CARS1: variants seen among roughly 807,000 people sequenced by gnomAD.
CARS1 encodes the protein cysteinyl-tRNA synthetase 1.
A neutral mutation model predicts 106.2 loss-of-function variants in CARS1; 48 were observed. That is an observed-to-expected ratio of 0.45 (90% CI 0.36 to 0.57). The LOEUF (loss-of-function observed/expected upper bound fraction) is 0.57, where lower values mean the gene tolerates loss of function less well. CARS1 is among the 20% of genes least tolerant of loss of function. The pLI is 0.00. For missense variants in CARS1, 968 were observed against 1,057.2 expected (o/e 0.92, Z 1.17); for synonymous variants, 409 against 403.4 (o/e 1.01, Z -0.17).
In CARS1 at chr11:3,052,149, C is replaced by T. The variant is rs3816350; in HGVS notation, c.26-4148G>A. The stretch of plus-strand genomic sequence containing the variant: ...AACGGCGGCTGCAGTGGCTTTTGAG[C>T]GCTGAGGAAGCAGTCTGGGAACTGA... On this transcript the variant is annotated intron_variant, in intron 1 of 22. Transcript: ENST00000380525. The surrounding 1 kb of genome is among the most constrained non-coding windows in gnomAD (Gnocchi z 4.6). 0.93 allele frequency among the ~76,000 whole-genome samples: 140,976 copies of T among 152,334 alleles called. 65,281 individuals carry two copies. Among genetic ancestry groups the T allele is most frequent in the African/African-American group, 0.95 (39,490 of 41,588 alleles).
At chr11:3,010,308 G>A (rs899540108) in intron 18 of CARS1, among the ~76,000 whole-genome samples, 3 of 152,158 alleles carry the variant, frequency 2.0e-5, no homozygotes, top group Non-Finnish European at 2.9e-5. Flanking sequence ...GCTGGGGCCC[G>A]GGCTCGGCCT....
At position 3,000,985 on chromosome 11, in the gene CARS1, A is replaced by T; in HGVS notation, c.*129T>A. On this transcript the variant is annotated 3_prime_UTR_variant, in exon 23 of 23. Coordinates refer to ENST00000380525, the MANE Select transcript of CARS1 (RefSeq NM_001014437.3). The surrounding 1 kb of genome is among the most constrained non-coding windows in gnomAD (Gnocchi z 7.1). ...TCAGAGCCAACGACGACACGAACCTACATGAACACAACTCTTAATTTAGGA... is the reference window on the plus strand; with the variant it reads ...TCAGAGCCAACGACGACACGAACCTTCATGAACACAACTCTTAATTTAGGA... The T allele has an allele frequency of 1.9e-6, 2 of 1,040,222 alleles. No homozygotes were observed. Among genetic ancestry groups the T allele is most frequent in the Non-Finnish European group, 1.4e-6 (1 of 702,256 alleles). The allele number at this position is 1,040,222 out of a possible 1,614,324, so 64.4% of individuals were successfully genotyped here.
intron 10 of CARS1, among the ~76,000 whole-genome samples, chr11:3,023,738 G>A (rs1317017431): frequency 6.6e-6 from 1 of 152,006 alleles, no homozygotes; most frequent in Non-Finnish European, 1.5e-5. Context: ...AACTTGCTAA[G>A]GGTTCTTCTA....
At chr11:3,031,230 T>C (rs1273799644) in intron 7 of CARS1, 1 of 152,192 alleles carries the variant, frequency 6.6e-6, no homozygotes, top group Non-Finnish European at 1.5e-5. Flanking sequence ...GAGAATACTT[T>C]TATAATGCGC....
chr11:3,017,617 T>G lies in CARS1; in HGVS notation c.1727+240A>C. ...GAGATCACGCCACTGCACTCCAGCC[T>G]GGGCAACAAGGGCGAAACTCCGTCT... On this transcript the variant is annotated intron_variant, in intron 15 of 22. Coordinates refer to ENST00000380525, the MANE Select transcript of CARS1 (RefSeq NM_001014437.3). The surrounding 1 kb of genome is among the most constrained non-coding windows in gnomAD (Gnocchi z 4.9). The G allele has an allele frequency of 1.8e-6, 1 of 563,404 alleles. No individual in the cohort carries two copies. Among genetic ancestry groups the G allele is most frequent in the African/African-American group, 1.9e-5 (1 of 53,288 alleles). 34.9% of individuals were successfully genotyped at this position (563,404 alleles called of 1,614,324 possible). A position where few individuals can be genotyped will look rare whatever the true frequency, so the allele number is the denominator to read the frequency against.
rs978923297 is a variant in CARS1, at chr11:3,041,396, C to T, written c.367-412G>A. 4.1e-5 allele frequency: 7 copies of T among 170,190 alleles called. No individual in the cohort carries two copies. Among genetic ancestry groups the T allele is most frequent in the Admixed American group, 3.7e-4 (6 of 16,406 alleles). The allele number at this position is 170,190 out of a possible 1,614,324, so 10.5% of individuals were successfully genotyped here. ...CGTAGGTTATGTCATTTTCTTTTTA[C>T]GGATGAAGAAACTGAGGCAGACAAC... On this transcript the variant is annotated intron_variant, in intron 3 of 22. Transcript: ENST00000380525. This position sits in a 1 kb window ranked among gnomAD's most constrained non-coding sequence, Gnocchi z 4.9.
In CARS1 at chr11:3,018,265, C is replaced by A. The variant is rs971432012; in HGVS notation, c.1629+143G>T. 11 of 642,278 alleles carry A rather than the reference C, an allele frequency of 1.7e-5. No homozygotes were observed. In the African/African-American group the frequency reaches 2.0e-4, roughly 12 times the overall value. The allele number at this position is 642,278 out of a possible 1,614,324, so 39.8% of individuals were successfully genotyped here. A position where few individuals can be genotyped will look rare whatever the true frequency, so the allele number is the denominator to read the frequency against. On this transcript the variant is annotated intron_variant, in intron 14 of 22. Transcript: ENST00000380525. ...GGAGTGGCCCCGAGCCTGTTATACC[C>A]ACTAGCATGGAGGTGCTTCCACCCA...
chr11:3,042,876 CCT>C (rs1854664522), intron 2 of CARS1, among the ~76,000 whole-genome samples: 1 of 152,216 alleles, frequency 6.6e-6, no homozygotes, highest in African/African-American at 2.4e-5. Context: ...GAAAGGACCC[CCT>C]GTGGCCACGG....
In CARS1 at chr11:3,018,714, G is replaced by C; in HGVS notation, c.1431C>G (p.Phe477Leu). 11 of 1,614,164 alleles carry C rather than the reference G, an allele frequency of 6.8e-6. No homozygotes were observed. The highest frequency in any genetic ancestry group is 9.3e-6 in the Non-Finnish European group (11 of 1,180,002). ...CAATGGTCAGGTGGCCTGTGTGCAG[G>C]AAGTACCTGACCCAGCAGTCGTTTT... ...YFENDCWVRY[F>L]LHTGHLTIAG... Residue 477 changes from phenylalanine to leucine, a missense_variant, in exon 13 of 23, where the codon TTC (phenylalanine) becomes TTG (leucine). Phe to Leu is a conservative substitution (Grantham distance 22). Coordinates refer to ENST00000380525, the MANE Select transcript of CARS1 (RefSeq NM_001014437.3).
chr11:3,001,959 T>C lies in CARS1; in HGVS notation c.2361+11A>G, dbSNP rs776042264. On this transcript the variant is annotated intron_variant, in intron 22 of 22. Coordinates refer to ENST00000380525, the MANE Select transcript of CARS1 (RefSeq NM_001014437.3). ...GTTCTGAATAGAAGAGAAGGATGCT[T>C]ACATGCTTACATTTTCATCAAACTT... 2.5e-6 allele frequency: 4 copies of C among 1,592,610 alleles called. No individual in the cohort carries two copies. The Admixed American group carries it at 6.7e-5, about 27-fold the overall frequency.
chr11:3,017,247 A>G lies in CARS1; in HGVS notation c.1776T>C (p.Val592=), dbSNP rs747324141. ...TAIHKALCDN[V]DTRTVMEEMR... The stretch of plus-strand genomic sequence containing the variant: ...TCTCTTCCATGACGGTGCGGGTGTC[A>G]ACATTGTCACAGAGGGCTTTGTGAA... Residue 592 remains valine (V), a synonymous_variant, in exon 16 of 23, where the codon GTT becomes GTC. Transcript: ENST00000380525. The surrounding 1 kb of genome is among the most constrained non-coding windows in gnomAD (Gnocchi z 4.9). 2.5e-6 allele frequency: 4 copies of G among 1,614,192 alleles called. No individual in the cohort carries two copies. The highest frequency in any genetic ancestry group is 2.2e-5 in the East Asian group (1 of 44,888).
rs1041031167 is a variant in CARS1 at position 3,029,418 on chromosome 11, A to C, written c.827T>G (p.Leu276Trp). 8.7e-6 allele frequency: 14 copies of C among 1,614,000 alleles called. No homozygotes were observed. Among genetic ancestry groups the C allele is most frequent in the Non-Finnish European group, 1.2e-5 (14 of 1,180,050 alleles). Residue 276 changes from leucine to tryptophan, a missense_variant, in exon 8 of 23, where the codon TTG (leucine) becomes TGG (tryptophan). Leu to Trp is a moderately conservative substitution (Grantham distance 61). Transcript: ENST00000380525. The surrounding 1 kb of genome is among the most constrained non-coding windows in gnomAD (Gnocchi z 5.9). ...VEVLLEEAKD[L>W]LSDWLDSTLG... ...TGTAGAATCCAGCCAGTCAGAGAGC[A>C]AATCCTTGGCTTCTTCCAGCAACAC...
At chr11:3,005,306 T>A in intron 20 of CARS1, 60 bp downstream of exon 20, 1 of 1,237,330 alleles carries the variant, frequency 8.1e-7, no homozygotes, top group South Asian at 1.2e-5. Context: ...TATGTAATAA[T>A]CGCAATGGTT....
rs529879803 is a variant in CARS1 at position 3,048,443 on chromosome 11, C to T, written c.26-442G>A. ...TTTGGGGAAATCATAGGGGTCAGCA[C>T]ATCTGGAGTATAACGGATAAGCCTC... On this transcript the variant is annotated intron_variant, in intron 1 of 22. Transcript: ENST00000380525. This position sits in a 1 kb window ranked among gnomAD's most constrained non-coding sequence, Gnocchi z 5.1. The T allele has an allele frequency of 1.0e-3, 163 of 157,916 alleles. No homozygotes were observed. Among genetic ancestry groups the T allele is most frequent in the African/African-American group, 3.4e-3 (143 of 41,714 alleles). 9.8% of individuals were successfully genotyped at this position (157,916 alleles called of 1,614,324 possible). A position where few individuals can be genotyped will look rare whatever the true frequency, so the allele number is the denominator to read the frequency against.
chr11:3,045,426 G>T lies in CARS1; in HGVS notation c.274+2327C>A, dbSNP rs560580578. 2.0e-5 allele frequency among the ~76,000 whole-genome samples: 3 copies of T among 152,206 alleles called. No homozygotes were observed. In the East Asian group the frequency reaches 5.8e-4, roughly 29 times the overall value. Reference sequence around the variant, plus strand: ...ACTATAGGCACCCGCCATCACGCCCGGCTAATTTTTTGTATTTTTAGTAGA... The same window carrying T: ...ACTATAGGCACCCGCCATCACGCCCTGCTAATTTTTTGTATTTTTAGTAGA... On this transcript the variant is annotated intron_variant, in intron 2 of 22. Transcript: ENST00000380525. This position sits in a 1 kb window ranked among gnomAD's most constrained non-coding sequence, Gnocchi z 5.6.
chr11:3,017,311 G>A lies in CARS1; in HGVS notation c.1728-16C>T, dbSNP rs117086101. 4.3e-4 allele frequency: 695 copies of A among 1,606,262 alleles called. 6 individuals are homozygous for A. In the East Asian group the frequency reaches 0.012, roughly 27 times the overall value. On this transcript the variant is annotated splice_polypyrimidine_tract_variant and intron_variant, in intron 15 of 22. Coordinates refer to ENST00000380525, the MANE Select transcript of CARS1 (RefSeq NM_001014437.3). This position sits in a 1 kb window ranked among gnomAD's most constrained non-coding sequence, Gnocchi z 4.9. ...GTCATAAAAGCTGAGCAACAAAGAG[G>A]AAGGAATGTGAAGTCAGACCTGAAA...
intron 17 of CARS1, among the ~76,000 whole-genome samples, chr11:3,014,797 C>CG (rs2134129401): frequency 6.6e-6 from 1 of 152,348 alleles, no homozygotes; most frequent in Admixed American, 6.5e-5. Flanking sequence ...TCTTACAACA[C>CG]GGACTGTTTT....
chr11:3,018,288 C>A, intron 14 of CARS1, 120 bp downstream of exon 14: 2 of 684,256 alleles, frequency 2.9e-6, no homozygotes, highest in South Asian at 3.7e-5. Flanking sequence ...GTGCTTCCAC[C>A]CATGTGCTGG....
intron 1 of CARS1, among the ~76,000 whole-genome samples, chr11:3,051,408 C>A (rs1855686122): frequency 2.0e-5 from 3 of 152,182 alleles, no homozygotes; most frequent in Admixed American, 2.0e-4. Flanking sequence ...AAGAAGGAGG[C>A]TGCTTACATG....
Sources: gnomAD v4.1 joint callset for allele counts (sites outside exome capture counted in the v4.1 genomes callset) on GRCh38, gnomAD v4.1.1 for gene constraint, Gnocchi (gnomAD v3.1) non-coding constraint, MANE v1.5 for transcripts, NCBI Gene and HGNC (gene_info 2026-07-23, HGNC 2026-07-21) for gene names.